Variants in SVEP1 observed in about 807,000 individuals in gnomAD.
SVEP1 encodes sushi, von Willebrand factor type A, EGF and pentraxin domain-containing protein 1.
SVEP1 carries 164 observed loss-of-function variants against 367.3 expected under a neutral mutation model. The observed-to-expected ratio is 0.45, with a 90% CI of 0.39 to 0.51. SVEP1 has a LOEUF of 0.51. SVEP1 is among the 20% of genes least tolerant of loss of function. The pLI is 0.00. For synonymous variants in SVEP1, 1,666 were observed against 1,611.6 expected (o/e 1.03, Z -0.81); for missense variants, 4,117 against 4,425.3 (o/e 0.93, Z 1.98).
intron 1 of SVEP1, among the ~76,000 whole-genome samples, chr9:110,550,919 A>C (rs996388501): frequency 2.0e-5 from 3 of 152,186 alleles, no homozygotes; most frequent in Non-Finnish European, 4.4e-5. Context: ...CCAGACTATA[A>C]AGGCACAAGA....
chr9:110,499,053 C>G lies in SVEP1; in HGVS notation c.1669G>C (p.Ala557Pro). The change falls in exon 7 of 48, where the codon GCT (alanine) becomes CCT (proline). Residue 557 changes from alanine to proline, a missense_variant. Transcript: ENST00000374469. ...SGKWNVGVQA[A>P]VCKDVEAPQI... Reference sequence around the variant, plus strand: ...TGTAGAGACCTACCTTTACACACAGCTGCCTGAACTCCGACATTCCATTTT... The same window carrying G: ...TGTAGAGACCTACCTTTACACACAGGTGCCTGAACTCCGACATTCCATTTT... 4 of 1,613,226 alleles carry G rather than the reference C, an allele frequency of 2.5e-6. No homozygotes were observed. The highest frequency in any genetic ancestry group is 3.4e-6 in the Non-Finnish European group (4 of 1,179,542).
chr9:110,388,502 G>C (rs145446104), intron 41 of SVEP1, among the ~76,000 whole-genome samples: 268 of 152,162 alleles, frequency 1.8e-3, no homozygotes, highest in African/African-American at 6.1e-3. Context: ...TTTATACTGA[G>C]GGCTACTTTT....
Position 110,375,613 on chromosome 9 carries a change from G to A in SVEP1, c.10505-150C>T, listed in dbSNP as rs78527239. 2,268 of 650,974 alleles carry A rather than the reference G, an allele frequency of 3.5e-3. 37 individuals carry two copies. In the African/African-American group the frequency reaches 0.036, roughly 10 times the overall value. 40.3% of individuals were successfully genotyped at this position (650,974 alleles called of 1,614,324 possible). On this transcript the variant is annotated intron_variant, in intron 45 of 47. Transcript: ENST00000374469. ...CTCACTAAATAAGTTTCCTGCATGT[G>A]TTCTGCTTATTAATGAGTATCATTG...
intron 5 of SVEP1, among the ~76,000 whole-genome samples, chr9:110,509,274 G>A (rs1829673685): frequency 6.6e-6 from 1 of 152,210 alleles, no homozygotes; most frequent in African/African-American, 2.4e-5. Flanking sequence ...TATGGCATGT[G>A]TTTCAGATTT....
chr9:110,425,488 A>T (rs1006316734), intron 36 of SVEP1, among the ~76,000 whole-genome samples: 2 of 152,214 alleles, frequency 1.3e-5, no homozygotes, highest in African/African-American at 4.8e-5. Context: ...TGGGCCTGTA[A>T]GAGAATGTGG....
In SVEP1 at chr9:110,494,964, T is replaced by C. The variant is rs146120854; in HGVS notation, c.1800+1851A>G. Among the ~76,000 whole-genome samples the C allele has an allele frequency of 9.7e-4, 147 of 152,304 alleles. 1 individual carries two copies. In the Middle Eastern group the frequency reaches 0.034, roughly 35 times the overall value. On this transcript the variant is annotated intron_variant, in intron 8 of 47. Coordinates refer to ENST00000374469, the MANE Select transcript of SVEP1 (RefSeq NM_153366.4). ...AAATGGACCCCCAACTGTAGCCAAA[T>C]AATCCTAGTATATTTCTCTGGTCTG...
chr9:110,538,472 T>C (rs1830105582), intron 3 of SVEP1, among the ~76,000 whole-genome samples: 1 of 152,088 alleles, frequency 6.6e-6, no homozygotes, highest in African/African-American at 2.4e-5. Context: ...CCTCTCTCTT[T>C]CCAAAGAAAT....
rs3737156 is a variant in SVEP1, at chr9:110,499,153, C to T, written c.1569G>A (p.Thr523=). 464 of 1,613,672 alleles carry T rather than the reference C, an allele frequency of 2.9e-4. 4 individuals are homozygous for T. In the East Asian group the frequency reaches 9.9e-3, roughly 35 times the overall value. The change falls in exon 7 of 48, where the codon ACG becomes ACA. Residue 523 remains threonine, a synonymous_variant. Coordinates refer to ENST00000374469, the MANE Select transcript of SVEP1 (RefSeq NM_153366.4). ...CTTGGCGGCAACTTACATAGCAGATCGTCCCAAATTTGGCTGGCTGCTTGC... is the reference window on the plus strand; with the variant it reads ...CTTGGCGGCAACTTACATAGCAGATTGTCCCAAATTTGGCTGGCTGCTTGC... ...NCGKQPAKFG[T]ICYVSCRQGF...
At chr9:110,550,478 TTATCTATCTATCTATCTATC>T (rs10550734) in intron 1 of SVEP1, among the ~76,000 whole-genome samples, 7 of 148,958 alleles carry the variant, frequency 4.7e-5, no homozygotes, top group South Asian at 2.2e-4. Context: ...ATTCCACAAA[TTATCTATCTATCTATCTATC>T]TATCTATCTA....
At chr9:110,367,527 C>T (rs1827218040) in intron 47 of SVEP1, among the ~76,000 whole-genome samples, 2 of 152,140 alleles carry the variant, frequency 1.3e-5, no homozygotes, top group African/African-American at 4.8e-5. Context: ...TATACGGTAA[C>T]ATTTATTGTT....
At chr9:110,524,971 C>T (rs1365218462) in intron 3 of SVEP1, among the ~76,000 whole-genome samples, 3 of 151,980 alleles carry the variant, frequency 2.0e-5, no homozygotes, top group Admixed American at 1.3e-4. Flanking sequence ...CTCAGCTTCC[C>T]GAAGTGCTGG....
At chr9:110,486,691 A>G (rs1829284054) in intron 9 of SVEP1, among the ~76,000 whole-genome samples, 1 of 145,832 alleles carries the variant, frequency 6.9e-6, no homozygotes, top group Admixed American at 6.9e-5. Flanking sequence ...TCTGTCACCC[A>G]GGCTGGAGTG....
At chr9:110,458,690 T>C in intron 19 of SVEP1, 128 bp from the exon 20 acceptor site, 1 of 1,017,392 alleles carries the variant, frequency 9.8e-7, no homozygotes, top group African/African-American at 1.6e-5. Context: ...TCACTTATAT[T>C]TTAAAAAAGA....
At position 110,471,444 on chromosome 9, in the gene SVEP1, A is replaced by G. The variant is rs148847273; in HGVS notation, c.2918T>C (p.Ile973Thr). Residue 973 changes from isoleucine (I) to threonine (T), a missense_variant, in exon 16 of 48, where the codon ATA becomes ACA. By Grantham distance (89) the Ile-to-Thr change is moderately conservative (BLOSUM62 -1). Coordinates refer to ENST00000374469, the MANE Select transcript of SVEP1 (RefSeq NM_153366.4). The stretch of plus-strand genomic sequence containing the variant: ...TGTTTCTAATGAATTGCTGTCGGCT[A>G]TAAGTATTTCTGATGCAAGCTGAAA... ...YSFQLASEIL[I>T]ADSNSLETKK... is the part of the protein sequence containing the mutation. The G allele has an allele frequency of 4.1e-4, 658 of 1,613,948 alleles. 4 individuals are homozygous for G. The African/African-American group carries it at 6.9e-3, about 17-fold the overall frequency.
intron 2 of SVEP1, among the ~76,000 whole-genome samples, chr9:110,548,104 A>G (rs1458826929): frequency 6.6e-6 from 1 of 152,100 alleles, no homozygotes; most frequent in Admixed American, 6.6e-5. Flanking sequence ...CAGTATCTCC[A>G]ACTGCAACCA....
At position 110,513,978 on chromosome 9, in the gene SVEP1, C is replaced by T; in HGVS notation, c.1093G>A (p.Gly365Arg). 6.2e-7 allele frequency: 1 copy of T among 1,613,242 alleles called. No individual in the cohort carries two copies. Among genetic ancestry groups the T allele is most frequent in the Middle Eastern group, 1.7e-4 (1 of 6,040 alleles). ...CAGGTCTGGCCAGATGCCCTGTATC[C>T]CTCTCTGCAGACACAGTCTTCAGGG... ...TSPEDCVCRE[G>R]YRASGQTCEL... Residue 365 changes from glycine to arginine, a missense_variant, in exon 4 of 48, where the codon GGA becomes AGA. Around this residue, in one of 4 missense-constraint regions of SVEP1, gnomAD observed 2,174 missense variants for 2,494.3 expected, o/e 0.87. Transcript: ENST00000374469.
chr9:110,387,448 A>T lies in SVEP1; in HGVS notation c.9897T>A (p.Cys3299Ter). 1 of 1,603,264 alleles carries T rather than the reference A, an allele frequency of 6.2e-7. No homozygotes were observed. Among genetic ancestry groups the T allele is most frequent in the Non-Finnish European group, 8.5e-7 (1 of 1,177,190 alleles). ...CATTGAGAAATTCAAGTGGAGTTTC[A>T]CACCTGGTCTCTAAAAACAAGAATA... The part of the protein sequence containing the change: ...GGVAICKETR[C>*]ETPLEFLNGK... The change falls in exon 42 of 48, where the codon TGT becomes TGA. Residue 3299 changes from cysteine (C) to a stop codon, truncating the protein, a stop_gained. Transcript: ENST00000374469. LOFTEE classifies it high-confidence loss of function.
Position 110,511,395 on chromosome 9 carries a change from G to A in SVEP1, c.1303+1531C>T, listed in dbSNP as rs185765351. ...TTATTCTTTCATATTTTTATTTTTG[G>A]ATTTTTTTGATTGACCTTCAAATGA... On this transcript the variant is annotated intron_variant, in intron 5 of 47. Transcript: ENST00000374469. 1.4e-3 allele frequency among the ~76,000 whole-genome samples: 212 copies of A among 146,590 alleles called. 1 individual carries two copies. The highest frequency in any genetic ancestry group is 5.3e-3 in the African/African-American group (210 of 39,636).
chr9:110,426,848 G>A (rs935776342), intron 36 of SVEP1, among the ~76,000 whole-genome samples: 3 of 152,128 alleles, frequency 2.0e-5, no homozygotes, highest in African/African-American at 7.2e-5. Flanking sequence ...TTCCAGAGGT[G>A]ATCTCTGAAT....
Sources: allele counts gnomAD v4.1 joint callset (sites outside exome capture counted in the v4.1 genomes callset), GRCh38; gene constraint gnomAD v4.1.1; regional missense constraint gnomAD v4.1.1; transcripts MANE v1.5; gene names NCBI Gene and HGNC (gene_info 2026-07-23, HGNC 2026-07-21).